Variants in DRC8 observed in about 807,000 individuals in gnomAD.
The protein encoded by DRC8 is dynein regulatory complex protein 8.
the DRC8 span, among the ~76,000 whole-genome samples, chr1:245,035,500 G>A: frequency 1.3e-5 from 2 of 152,072 alleles, no homozygotes; most frequent in Non-Finnish European, 2.9e-5. Flanking sequence ...CATGATGCTA[G>A]GATGACTGAA....
At chr1:245,054,535 A>G in the DRC8 span, among the ~76,000 whole-genome samples, 2 of 151,750 alleles carry the variant, frequency 1.3e-5, no homozygotes, top group South Asian at 2.1e-4. Context: ...ATGACTTTCC[A>G]TTTTTTTTCT....
the DRC8 span, among the ~76,000 whole-genome samples, chr1:245,016,841 C>G: frequency 6.6e-6 from 1 of 152,196 alleles, no homozygotes; most frequent in Non-Finnish European, 1.5e-5. Context: ...TGTTGATAAG[C>G]AAACAGTATC....
chr1:245,004,618 T>C, the DRC8 span, among the ~76,000 whole-genome samples: 1 of 152,336 alleles, frequency 6.6e-6, no homozygotes, highest in South Asian at 2.1e-4. Flanking sequence ...GCTTTTGGCA[T>C]CTGTGCTATA....
At chr1:245,028,283 T>C in the DRC8 span, among the ~76,000 whole-genome samples, 1 of 152,254 alleles carries the variant, frequency 6.6e-6, no homozygotes, top group Admixed American at 6.5e-5. Flanking sequence ...GGCTAAGAAG[T>C]GTTCCAATGT....
At chr1:245,052,984 A>G in the DRC8 span, among the ~76,000 whole-genome samples, 2 of 152,250 alleles carry the variant, frequency 1.3e-5, no homozygotes, top group African/African-American at 2.4e-5. Context: ...ATTGTATGAT[A>G]AAACTTGAGA....
the DRC8 span, among the ~76,000 whole-genome samples, chr1:245,019,800 T>C: frequency 1.3e-5 from 2 of 151,920 alleles, no homozygotes; most frequent in Non-Finnish European, 2.9e-5. Flanking sequence ...AACTAAAAAC[T>C]AAAAAATAAA....
chr1:245,002,935 C>A, the DRC8 span, among the ~76,000 whole-genome samples: 1 of 152,114 alleles, frequency 6.6e-6, no homozygotes, highest in Non-Finnish European at 1.5e-5. Flanking sequence ...AAGCTCTGTG[C>A]CCATTAATCA....
chr1:244,990,254 T>C, the DRC8 span, among the ~76,000 whole-genome samples: 2 of 152,272 alleles, frequency 1.3e-5, no homozygotes, highest in Non-Finnish European at 2.9e-5. Context: ...TAAGATATTT[T>C]GAGAGAGGCC....
chr1:245,025,478 T>C, the DRC8 span, among the ~76,000 whole-genome samples: 6 of 152,132 alleles, frequency 3.9e-5, no homozygotes, highest in South Asian at 2.1e-4. Context: ...ATCAACTTAC[T>C]TTTTTTAACA....
At chr1:244,984,528 G>A in the DRC8 span, among the ~76,000 whole-genome samples, 1 of 152,038 alleles carries the variant, frequency 6.6e-6, no homozygotes, top group Non-Finnish European at 1.5e-5. Flanking sequence ...ATTTTTCTGT[G>A]AATCCTTTTA....
the DRC8 span, among the ~76,000 whole-genome samples, chr1:244,990,979 C>A: frequency 6.6e-6 from 1 of 152,098 alleles, no homozygotes; most frequent in African/African-American, 2.4e-5. Flanking sequence ...ATACCAACTA[C>A]CCAGAGTTAC....
the DRC8 span, among the ~76,000 whole-genome samples, chr1:245,071,393 C>A: frequency 2.6e-5 from 4 of 152,100 alleles, no homozygotes; most frequent in Non-Finnish European, 5.9e-5. Context: ...ATGGCAAAGG[C>A]AATTCTGTTG....
chr1:245,013,208 G>A, the DRC8 span, among the ~76,000 whole-genome samples: 1 of 152,078 alleles, frequency 6.6e-6, no homozygotes, highest in Non-Finnish European at 1.5e-5. Flanking sequence ...ATAGAATTAA[G>A]TATTTGCCAG....
At chr1:245,023,973 C>T in the DRC8 span, among the ~76,000 whole-genome samples, 3 of 152,066 alleles carry the variant, frequency 2.0e-5, no homozygotes, top group African/African-American at 4.8e-5. Flanking sequence ...AGTTCAAGAC[C>T]ACCCTGGCCA....
the DRC8 span, among the ~76,000 whole-genome samples, chr1:244,972,552 G>A: frequency 1.3e-5 from 2 of 152,176 alleles, no homozygotes; most frequent in Non-Finnish European, 2.9e-5. Flanking sequence ...CGGGCGCGGT[G>A]GCTCACGCCT....
the DRC8 span, among the ~76,000 whole-genome samples, chr1:244,978,486 C>T: frequency 2.9e-4 from 30 of 104,816 alleles, no homozygotes; most frequent in South Asian, 1.8e-3. Flanking sequence ...AGCGGAACTC[C>T]GTCTCAAAAA....
At chr1:245,104,551 C>T in the DRC8 span, among the ~76,000 whole-genome samples, 3 of 151,870 alleles carry the variant, frequency 2.0e-5, no homozygotes, top group Non-Finnish European at 4.4e-5. Flanking sequence ...AATGGACCCC[C>T]GTGTATTTAT....
chr1:245,119,343 A>AG, the DRC8 span, among the ~76,000 whole-genome samples: 1 of 22,284 alleles, frequency 4.5e-5, no homozygotes, highest in South Asian at 5.2e-3. Flanking sequence ...GAAATTGGAG[A>AG]GTTTTTTTTT....
At chr1:245,025,900 C>T in the DRC8 span, among the ~76,000 whole-genome samples, 27 of 152,208 alleles carry the variant, frequency 1.8e-4, no homozygotes, top group African/African-American at 2.4e-4. Context: ...GCTCCTCCTT[C>T]GCCTTCCACC....
Sources: allele counts gnomAD v4.1 joint callset (sites outside exome capture counted in the v4.1 genomes callset), GRCh38; gene constraint gnomAD v4.1.1; transcripts MANE v1.5; gene names NCBI Gene and HGNC (gene_info 2026-07-23, HGNC 2026-07-21).